The following EML1 variants were observed in gnomAD, a reference collection of about 807,000 sequenced individuals.
EML1 encodes echinoderm microtubule-associated protein-like 1.
A neutral mutation model predicts 110.4 loss-of-function variants in EML1; 27 were observed. The observed-to-expected ratio is 0.24, with a 90% CI of 0.18 to 0.34. The LOEUF is 0.34. Ranked by LOEUF, EML1 falls within the 10% of genes least tolerant of loss-of-function variation. The probability of loss-of-function intolerance (pLI) is 1.00; values close to 1 mark genes in which losing one functional copy is unlikely to be tolerated. For synonymous variants in EML1, 344 were observed against 385.8 expected, an observed-to-expected ratio of 0.89 and a Z score of 1.27; for missense variants, 741 against 1,030.9, an observed-to-expected ratio of 0.72 and a Z score of 3.85.
rs2060555575 is a variant in EML1, at chr14:99,939,903, A to G, written c.2323-84A>G. ...GGAGGGCGAGTAAAGGAATTAAGGC[A>G]TGCAGTGAGAATTCAAGCACTTTCC... On this transcript the variant is annotated intron_variant, in intron 21 of 21. Coordinates refer to ENST00000262233, the MANE Select transcript of EML1 (RefSeq NM_004434.3). The surrounding 1 kb of genome is among the most constrained non-coding windows in gnomAD (Gnocchi z 4.2). 6.9e-7 allele frequency: 1 copy of G among 1,441,896 alleles called. No homozygotes were observed. Among genetic ancestry groups the G allele is most frequent in the African/African-American group, 1.4e-5 (1 of 69,466 alleles). 89.3% of individuals were successfully genotyped at this position (1,441,896 alleles called of 1,614,324 possible). A position where few individuals can be genotyped will look rare whatever the true frequency, so the allele number is the denominator to read the frequency against.
At chr14:99,922,895 A>T (rs1566939778) in intron 17 of EML1, among the ~76,000 whole-genome samples, 1 of 152,046 alleles carries the variant, frequency 6.6e-6, no homozygotes, top group Non-Finnish European at 1.5e-5. Flanking sequence ...AGTCTTTATC[A>T]GATAGATGAT....
chr14:99,910,834 G>T (rs189238637), intron 12 of EML1, among the ~76,000 whole-genome samples: 1 of 152,128 alleles, frequency 6.6e-6, no homozygotes, highest in African/African-American at 2.4e-5. Context: ...GAAAGCATGC[G>T]TCCAGTTAAG....
intron 1 of EML1, among the ~76,000 whole-genome samples, chr14:99,760,784 G>T (rs1356402907): frequency 6.6e-6 from 1 of 152,110 alleles, no homozygotes; most frequent in East Asian, 1.9e-4. Context: ...GGCACCACTG[G>T]TCCCATCTTA....
At chr14:99,909,579 G>A (rs555516750) in intron 11 of EML1, 100 bp downstream of exon 11, 5 of 1,483,174 alleles carry the variant, frequency 3.4e-6, no homozygotes, top group Middle Eastern at 2.3e-4. Context: ...AATCCCTTGG[G>A]ATCCCTCACA....
intron 1 of EML1, among the ~76,000 whole-genome samples, chr14:99,797,989 G>T (rs1273045524): frequency 2.0e-5 from 3 of 152,136 alleles, no homozygotes; most frequent in Non-Finnish European, 4.4e-5. Context: ...AGCTAGAAAG[G>T]CTGTTCAACC....
At chr14:99,910,081 G>C (rs534704286) in intron 11 of EML1, among the ~76,000 whole-genome samples, 161 bp from the exon 12 acceptor site, 9 of 152,282 alleles carry the variant, frequency 5.9e-5, no homozygotes, top group Non-Finnish European at 1.0e-4. Context: ...TGTAATAGTA[G>C]ACAGAAATGC....
At chr14:99,830,405 G>GTGGA (rs544696859) in intron 1 of EML1, among the ~76,000 whole-genome samples, 92 of 152,278 alleles carry the variant, frequency 6.0e-4, no homozygotes, top group African/African-American at 2.0e-3. Context: ...TACTTGAAAG[G>GTGGA]TGGACCCTTC....
chr14:99,917,722 T>G, intron 15 of EML1, 60 bp from the exon 16 acceptor site: 8 of 1,546,224 alleles, frequency 5.2e-6, no homozygotes, highest in Non-Finnish European at 7.1e-6. Context: ...CACGTGTGTG[T>G]GTTTTATGCT....
intron 3 of EML1, among the ~76,000 whole-genome samples, chr14:99,876,385 T>C (rs1435016542): frequency 6.6e-6 from 1 of 152,044 alleles, no homozygotes; most frequent in East Asian, 1.9e-4. Flanking sequence ...CGCCTGAGAC[T>C]CCCCACTTCC....
intron 13 of EML1, among the ~76,000 whole-genome samples, chr14:99,912,829 G>C (rs28535178): frequency 0.29 from 44,735 of 152,122 alleles, 8,182 homozygotes; most frequent in African/African-American, 0.5. Flanking sequence ...GCTATTCACT[G>C]TTTGTTAGTA....
At chr14:99,862,651 A>G (rs2059021081) in intron 2 of EML1, among the ~76,000 whole-genome samples, 1 of 151,954 alleles carries the variant, frequency 6.6e-6, no homozygotes, top group South Asian at 2.1e-4. Context: ...GGCCTTTGGG[A>G]GCTCTTTCAG....
intron 4 of EML1, among the ~76,000 whole-genome samples, chr14:99,885,254 A>ATT (rs1226768626): frequency 6.6e-6 from 1 of 152,214 alleles, no homozygotes; most frequent in Non-Finnish European, 1.5e-5. Context: ...TGTGAACATC[A>ATT]TGGAGTGTGT....
chr14:99,786,580 C>T (rs574317868), intron 1 of EML1, among the ~76,000 whole-genome samples: 7 of 152,246 alleles, frequency 4.6e-5, no homozygotes, highest in Non-Finnish European at 1.0e-4. Context: ...CCTACCCTGG[C>T]GGGCAGGGGA....
chr14:99,892,081 G>A (rs765527024), intron 5 of EML1: 129 of 965,988 alleles, frequency 1.3e-4, no homozygotes, highest in Middle Eastern at 5.2e-4. Flanking sequence ...TGAGGGCTCC[G>A]GGCTCCGGGG....
At chr14:99,853,758 C>G (rs867661903) in intron 2 of EML1, among the ~76,000 whole-genome samples, 2 of 152,168 alleles carry the variant, frequency 1.3e-5, no homozygotes, top group Non-Finnish European at 2.9e-5. Flanking sequence ...CAACCTCCGC[C>G]TCCCGGGTTC....
At chr14:99,778,941 G>A (rs1233396294) in intron 1 of EML1, among the ~76,000 whole-genome samples, 5 of 152,160 alleles carry the variant, frequency 3.3e-5, no homozygotes, top group Non-Finnish European at 4.4e-5. Flanking sequence ...AACATCTGGT[G>A]CATATAACAG....
intron 1 of EML1, among the ~76,000 whole-genome samples, chr14:99,746,852 C>T (rs1269144785): frequency 6.6e-6 from 1 of 152,166 alleles, no homozygotes; most frequent in Non-Finnish European, 1.5e-5. Flanking sequence ...ACCCAGGGCT[C>T]CCAGTTCTTC....
At chr14:99,871,028 C>T (rs1048121999) in intron 3 of EML1, among the ~76,000 whole-genome samples, 1 of 152,004 alleles carries the variant, frequency 6.6e-6, no homozygotes, top group Non-Finnish European at 1.5e-5. Context: ...GCGATTTTGG[C>T]TCACTGCAAC....
chr14:99,875,829 T>C lies in EML1; in HGVS notation c.384-2656T>C, dbSNP rs1008505141. On this transcript the variant is annotated intron_variant, in intron 3 of 21. Coordinates refer to ENST00000262233, the MANE Select transcript of EML1 (RefSeq NM_004434.3). ...ACTTTAATCCCAAATTTCAGAAATG[T>C]AATGCTCTCTTAAAATCTGTAATTT... is the stretch of plus-strand genomic sequence containing the variant. 2.6e-5 allele frequency among the ~76,000 whole-genome samples: 4 copies of C among 152,362 alleles called. No individual in the cohort carries two copies. The South Asian group carries it at 8.3e-4, about 32-fold the overall frequency.
Sources: allele counts gnomAD v4.1 joint callset (sites outside exome capture counted in the v4.1 genomes callset), GRCh38; gene constraint gnomAD v4.1.1; non-coding constraint Gnocchi (gnomAD v3.1); transcripts MANE v1.5; gene names NCBI Gene and HGNC (gene_info 2026-07-23, HGNC 2026-07-21).